Variants in UBAP1L observed in about 807,000 individuals in gnomAD.
UBAP1L encodes the protein ubiquitin-associated protein 1-like.
UBAP1L carries 32 observed loss-of-function variants against 32.1 expected under a neutral mutation model. That is an observed-to-expected ratio of 1.00 (90% confidence interval 0.75 to 1.34). UBAP1L has a LOEUF of 1.34. UBAP1L is among the 40% of genes most tolerant of loss of function. The pLI, the probability that UBAP1L is intolerant of heterozygous loss-of-function variation, is 0.00. For synonymous variants in UBAP1L, 243 were observed against 250.2 expected (o/e 0.97, Z 0.27); for missense variants, 516 against 540.5 (o/e 0.95, Z 0.45).
intron 2 of UBAP1L, 180 bp downstream of exon 2, chr15:65,105,916 G>T: frequency 1.2e-6 from 1 of 833,780 alleles, no homozygotes; most frequent in Non-Finnish European, 1.9e-6. Flanking sequence ...TCCACCTTCC[G>T]AGTAGCTGGG....
Position 65,102,760 on chromosome 15 carries a change from G to C in UBAP1L, c.121-76C>G. On this transcript the variant is annotated intron_variant, in intron 2 of 5. Transcript: ENST00000559089. The surrounding 1 kb of genome is among the most constrained non-coding windows in gnomAD (Gnocchi z 5.0). The stretch of plus-strand genomic sequence containing the variant: ...CACAACACTAACCCCTGGCCTGGGG[G>C]ACCCTGTTCAGCCAGAGACTCTCTA... 4 of 1,361,766 alleles carry C rather than the reference G, an allele frequency of 2.9e-6. No homozygotes were observed. The highest frequency in any genetic ancestry group is 4.0e-6 in the Non-Finnish European group (4 of 1,009,688). 84.4% of individuals were successfully genotyped at this position (1,361,766 alleles called of 1,614,324 possible).
chr15:65,101,030 T>C (rs2140562305), intron 3 of UBAP1L: 1 of 152,366 alleles, frequency 6.6e-6, no homozygotes, highest in African/African-American at 2.4e-5. Flanking sequence ...CTACTATGTA[T>C]GCTCTAAACA....
chr15:65,103,542 G>GA (rs2087267672), intron 2 of UBAP1L, among the ~76,000 whole-genome samples: 1 of 152,194 alleles, frequency 6.6e-6, no homozygotes, highest in Non-Finnish European at 1.5e-5. Context: ...AAGGAAGAAA[G>GA]AGGCTAGGGG....
intron 1 of UBAP1L, among the ~76,000 whole-genome samples, chr15:65,114,043 C>T (rs1327033837): frequency 1.3e-5 from 2 of 151,968 alleles, no homozygotes; most frequent in Non-Finnish European, 2.9e-5. Context: ...CCTGCCACCA[C>T]GCCCGCTAAT....
Position 65,092,923 on chromosome 15 carries a change from A to G in UBAP1L, c.*174T>C. On this transcript the variant is annotated 3_prime_UTR_variant, in exon 6 of 6. Transcript: ENST00000559089. Reference sequence around the variant, plus strand: ...GCCCCTCTGCAGAGGCAACTATTTCAACTCTTTCAGCAGATTCTGCTGCTG... The same window carrying G: ...GCCCCTCTGCAGAGGCAACTATTTCGACTCTTTCAGCAGATTCTGCTGCTG... The G allele has an allele frequency of 1.1e-6, 1 of 952,180 alleles. No homozygotes were observed. The highest frequency in any genetic ancestry group is 1.5e-6 in the Non-Finnish European group (1 of 671,910). The allele number at this position is 952,180 out of a possible 1,614,324, so 59.0% of individuals were successfully genotyped here. A position where few individuals can be genotyped will look rare whatever the true frequency, so the allele number is the denominator to read the frequency against.
intron 5 of UBAP1L, 130 bp from the exon 6 acceptor site, chr15:65,093,361 C>T: frequency 4.1e-6 from 5 of 1,205,114 alleles, no homozygotes; most frequent in Non-Finnish European, 5.5e-6. Context: ...CCACGTGAGC[C>T]TGATCCTGGG....
intron 3 of UBAP1L, among the ~76,000 whole-genome samples, chr15:65,101,904 G>C (rs1182478383): frequency 6.6e-6 from 1 of 152,174 alleles, no homozygotes; most frequent in Non-Finnish European, 1.5e-5. Flanking sequence ...GCGGGGAATG[G>C]GGGCTTCTGA....
In UBAP1L at chr15:65,102,510, C is replaced by A; in HGVS notation, c.295G>T (p.Ala99Ser). 1 of 1,476,420 alleles carries A rather than the reference C, an allele frequency of 6.8e-7. No individual in the cohort carries two copies. Among genetic ancestry groups the A allele is most frequent in the South Asian group, 1.4e-5 (1 of 73,546 alleles). 91.5% of individuals were successfully genotyped at this position (1,476,420 alleles called of 1,614,324 possible). ...PAPTTIRDPEAGHQERPEEEG... is the reference protein window; with the variant it reads ...PAPTTIRDPESGHQERPEEEG... ...TCCTCCGGCCTCTCCTGGTGTCCGG[C>A]CTCCGGGTCTCTGATTGTGGTGGGC... Residue 99 changes from alanine to serine, a missense_variant, in exon 3 of 6, where the codon GCC (alanine) becomes TCC (serine). Ala to Ser is a moderately conservative substitution (Grantham distance 99, BLOSUM62 1). Transcript: ENST00000559089. The surrounding 1 kb of genome is among the most constrained non-coding windows in gnomAD (Gnocchi z 5.0).
intron 3 of UBAP1L, chr15:65,101,725 C>G (rs557337916): frequency 6.2e-6 from 1 of 162,594 alleles, no homozygotes; most frequent in African/African-American, 2.4e-5. Context: ...ATCCACTGAG[C>G]GCCCCCTATG....
At chr15:65,103,983 G>C (rs973482145) in intron 2 of UBAP1L, among the ~76,000 whole-genome samples, 7 of 152,140 alleles carry the variant, frequency 4.6e-5, no homozygotes, top group East Asian at 1.9e-4. Flanking sequence ...GGCTGGGCTC[G>C]GTGGCTCATG....
At chr15:65,099,853 G>A in intron 3 of UBAP1L, 139 bp from the exon 4 acceptor site, 2 of 680,036 alleles carry the variant, frequency 2.9e-6, no homozygotes. Context: ...TTAGAGTCCT[G>A]CAGACCCCAG....
In UBAP1L at chr15:65,093,247, C is replaced by A; in HGVS notation, c.1012-16G>T. On this transcript the variant is annotated splice_polypyrimidine_tract_variant and intron_variant, in intron 5 of 5. Coordinates refer to ENST00000559089, the MANE Select transcript of UBAP1L (RefSeq NM_001163692.2). Reference sequence around the variant, plus strand: ...ACTCCCCTGCCTGAGGAAGAGGAGACAGGGAGGGTGCTGGGGGCTCTGCTG... The same window carrying A: ...ACTCCCCTGCCTGAGGAAGAGGAGAAAGGGAGGGTGCTGGGGGCTCTGCTG... 1 of 1,536,406 alleles carries A rather than the reference C, an allele frequency of 6.5e-7. No individual in the cohort carries two copies.
chr15:65,113,349 G>A lies in UBAP1L; in HGVS notation c.-174+1801C>T, dbSNP rs190891583. Among the ~76,000 whole-genome samples, 10 of 152,296 alleles carry A rather than the reference G, an allele frequency of 6.6e-5. No homozygotes were observed. In the East Asian group the frequency reaches 1.9e-3, roughly 29 times the overall value. ...TCTCCTCCCATCTTACTCCAGTCAT[G>A]CTAGCCTTCAACTGCCATGGTCTCT... On this transcript the variant is annotated intron_variant, in intron 1 of 5. Transcript: ENST00000559089.
chr15:65,095,830 G>C (rs547234499), intron 4 of UBAP1L: 1 of 152,400 alleles, frequency 6.6e-6, no homozygotes, highest in African/African-American at 2.4e-5. Context: ...GCTAAGATTA[G>C]AGCTGCTCTG....
chr15:65,102,487 CTCCGGCCTCTCCTGGTG>C lies in UBAP1L; in HGVS notation c.301_317del (p.His101GlyfsTer4). ...CTTCTGCCTCGTCCTCACCCTCCTCCTCCGGCCTCTCCTGGTGTCCGGCCTCCGGGTCTCTGATTGTG... is the reference window on the plus strand; with the variant it reads ...CTTCTGCCTCGTCCTCACCCTCCTCCTCCGGCCTCCGGGTCTCTGATTGTG... On this transcript the variant is annotated frameshift_variant, in exon 3 of 6. Coordinates refer to ENST00000559089, the MANE Select transcript of UBAP1L (RefSeq NM_001163692.2). LOFTEE classifies it high-confidence loss of function. This position sits in a 1 kb window ranked among gnomAD's most constrained non-coding sequence, Gnocchi z 5.0. 3 of 1,451,892 alleles carry C rather than the reference CTCCGGCCTCTCCTGGTG, an allele frequency of 2.1e-6. No individual in the cohort carries two copies. The highest frequency in any genetic ancestry group is 2.7e-6 in the Non-Finnish European group (3 of 1,101,254). 89.9% of individuals were successfully genotyped at this position (1,451,892 alleles called of 1,614,324 possible).
intron 3 of UBAP1L, among the ~76,000 whole-genome samples, 199 bp downstream of exon 3, chr15:65,101,907 G>A (rs1420359024): frequency 6.6e-6 from 1 of 152,192 alleles, no homozygotes; most frequent in Non-Finnish European, 1.5e-5. Flanking sequence ...GGGAATGGGG[G>A]CTTCTGAGCA....
At chr15:65,104,972 A>C (rs986938692) in intron 2 of UBAP1L, 1 of 287,546 alleles carries the variant, frequency 3.5e-6, no homozygotes, top group South Asian at 2.7e-5. Context: ...GCGCCACTGC[A>C]CTCCAGCCTG....
chr15:65,108,611 G>A (rs1170360084), intron 1 of UBAP1L, among the ~76,000 whole-genome samples: 1 of 151,922 alleles, frequency 6.6e-6, no homozygotes, highest in Non-Finnish European at 1.5e-5. Flanking sequence ...CAGGTATGGT[G>A]GCATACACCT....
At chr15:65,107,884 G>T (rs2087334269) in intron 1 of UBAP1L, among the ~76,000 whole-genome samples, 2 of 152,012 alleles carry the variant, frequency 1.3e-5, no homozygotes, top group Non-Finnish European at 2.9e-5. Context: ...AACATACCAC[G>T]TTCAAGGATT....
Sources: gnomAD v4.1 joint callset for allele counts (sites outside exome capture counted in the v4.1 genomes callset) on GRCh38, gnomAD v4.1.1 for gene constraint, Gnocchi (gnomAD v3.1) non-coding constraint, MANE v1.5 for transcripts, NCBI Gene and HGNC (gene_info 2026-07-23, HGNC 2026-07-21) for gene names.